The following RAD50 variants were observed in gnomAD, a reference collection of about 807,000 sequenced individuals.
RAD50 encodes the protein DNA repair protein RAD50.
RAD50 carries 132 observed loss-of-function variants against 168.8 expected under a neutral mutation model. That is an observed-to-expected ratio of 0.78 (90% confidence interval 0.68 to 0.90). The LOEUF is 0.90. Among genes scored for constraint, RAD50 ranks in the 40% least tolerant of loss-of-function variants. The pLI, the probability that RAD50 is intolerant of heterozygous loss-of-function variation, is 0.00. For missense variants in RAD50, 1,347 were observed against 1,534.4 expected (o/e 0.88, Z 2.04); for synonymous variants, 525 against 497.4 (o/e 1.06, Z -0.74).
chr5:132,603,378 G>A lies in RAD50; in HGVS notation c.2286G>A (p.Gln762=), dbSNP rs1554099090. ...NKLQNVNRDI[Q]RLKNDIEEQE... is the part of the protein sequence containing the mutation. The stretch of plus-strand genomic sequence containing the variant: ...TGCAGAATGTCAATAGAGACATACA[G>A]CGCCTAAAGAACGACATAGAAGAAC... Residue 762 remains glutamine, a synonymous_variant, in exon 14 of 25, where the codon CAG becomes CAA. Coordinates refer to ENST00000378823, the MANE Select transcript of RAD50 (RefSeq NM_005732.4). 3 of 1,613,800 alleles carry A rather than the reference G, an allele frequency of 1.9e-6. No individual in the cohort carries two copies. The highest frequency in any genetic ancestry group is 2.5e-6 in the Non-Finnish European group (3 of 1,179,798).
intron 2 of RAD50, among the ~76,000 whole-genome samples, chr5:132,573,866 CCTT>C (rs972973673): frequency 6.6e-6 from 1 of 152,190 alleles, no homozygotes; most frequent in African/African-American, 2.4e-5. Context: ...AGAATGATCT[CCTT>C]TGACTCCATG....
At chr5:132,573,274 G>A (rs1750338433) in intron 2 of RAD50, among the ~76,000 whole-genome samples, 1 of 152,162 alleles carries the variant, frequency 6.6e-6, no homozygotes, top group Admixed American at 6.5e-5. Flanking sequence ...AAAAGAAAGA[G>A]GTTTAATGGA....
At chr5:132,568,735 C>G (rs1750252586) in intron 2 of RAD50, among the ~76,000 whole-genome samples, 1 of 152,158 alleles carries the variant, frequency 6.6e-6, no homozygotes, top group Non-Finnish European at 1.5e-5. Flanking sequence ...CAAAAATATT[C>G]TTTGAAAATT....
chr5:132,565,184 C>T (rs1220386008), intron 2 of RAD50, among the ~76,000 whole-genome samples: 1 of 152,184 alleles, frequency 6.6e-6, no homozygotes, highest in African/African-American at 2.4e-5. Flanking sequence ...CCTTTGCCTT[C>T]TGCCATGATT....
chr5:132,564,009 T>C (rs903660239), intron 2 of RAD50, among the ~76,000 whole-genome samples: 2 of 152,226 alleles, frequency 1.3e-5, no homozygotes, highest in East Asian at 1.9e-4. Context: ...TCATGCTTCC[T>C]GTACAGCCTG....
At chr5:132,627,085 T>C (rs1310034091) in intron 21 of RAD50, among the ~76,000 whole-genome samples, 2 of 152,194 alleles carry the variant, frequency 1.3e-5, no homozygotes, top group Non-Finnish European at 2.9e-5. Flanking sequence ...TTCGCCATGA[T>C]GACCAGGCTA....
At chr5:132,559,564 A>G (rs1279647165) in intron 2 of RAD50, among the ~76,000 whole-genome samples, 197 bp downstream of exon 2, 1 of 152,158 alleles carries the variant, frequency 6.6e-6, no homozygotes, top group African/African-American at 2.4e-5. Context: ...AGCTGATGTC[A>G]TACTCTTAAT....
At position 132,557,152 on chromosome 5, in the gene RAD50, C is replaced by G. The variant is rs1038547518; in HGVS notation, c.-173C>G. ...GGAAAGGCTCCATCCCCCGCCCCCTCTCTCCCGCTGTTGGCTGGCAGGATC... is the reference window on the plus strand; with the variant it reads ...GGAAAGGCTCCATCCCCCGCCCCCTGTCTCCCGCTGTTGGCTGGCAGGATC... On this transcript the variant is annotated 5_prime_UTR_variant, in exon 1 of 25. Coordinates refer to ENST00000378823, the MANE Select transcript of RAD50 (RefSeq NM_005732.4). 5.6e-6 allele frequency: 5 copies of G among 892,028 alleles called. No individual in the cohort carries two copies. Among genetic ancestry groups the G allele is most frequent in the Non-Finnish European group, 8.9e-6 (5 of 564,522 alleles). The allele number at this position is 892,028 out of a possible 1,614,324, so 55.3% of individuals were successfully genotyped here. A position where few individuals can be genotyped will look rare whatever the true frequency, so the allele number is the denominator to read the frequency against.
rs1751809486 is a variant in RAD50, at chr5:132,644,526, A to G, written c.*2162A>G. 1 of 181,308 alleles carries G rather than the reference A, an allele frequency of 5.5e-6. No individual in the cohort carries two copies. Among genetic ancestry groups the G allele is most frequent in the African/African-American group, 2.4e-5 (1 of 42,418 alleles). 11.2% of individuals were successfully genotyped at this position (181,308 alleles called of 1,614,324 possible). On this transcript the variant is annotated 3_prime_UTR_variant, in exon 25 of 25. Transcript: ENST00000378823. ...ATGGTACATATTTTGTAGGGTTGTT[A>G]TGAAGATTGAATGACATTATTTACA...
chr5:132,561,547 C>T (rs1040985371), intron 2 of RAD50, among the ~76,000 whole-genome samples: 3 of 152,088 alleles, frequency 2.0e-5, no homozygotes, highest in African/African-American at 4.8e-5. Context: ...TTGCATTAAC[C>T]CTCTTCCCTA....
In RAD50 at chr5:132,557,142, C is replaced by T. The variant is rs915435351; in HGVS notation, c.-183C>T. ...TGGTGTGGGAGGAAAGGCTCCATCC[C>T]CCGCCCCCTCTCTCCCGCTGTTGGC... On this transcript the variant is annotated 5_prime_UTR_variant, in exon 1 of 25. Transcript: ENST00000378823. The T allele has an allele frequency of 5.1e-5, 43 of 841,776 alleles. No individual in the cohort carries two copies. In the South Asian group the frequency reaches 5.9e-4, roughly 12 times the overall value. 52.1% of individuals were successfully genotyped at this position (841,776 alleles called of 1,614,324 possible).
At chr5:132,569,055 A>G (rs953656648) in intron 2 of RAD50, among the ~76,000 whole-genome samples, 6 of 152,206 alleles carry the variant, frequency 3.9e-5, no homozygotes, top group Non-Finnish European at 5.9e-5. Context: ...TTCACAATCA[A>G]AAGTTAACAG....
chr5:132,633,580 G>GTT (rs201196022), intron 21 of RAD50, among the ~76,000 whole-genome samples: 32 of 147,792 alleles, frequency 2.2e-4, no homozygotes, highest in African/African-American at 7.3e-4. Flanking sequence ...TTTGTTTTTT[G>GTT]TTTTTTGTTT....
At chr5:132,636,523 C>A (rs79049594) in intron 21 of RAD50, among the ~76,000 whole-genome samples, 1 of 152,112 alleles carries the variant, frequency 6.6e-6, no homozygotes, top group South Asian at 2.1e-4. Flanking sequence ...CTCGCTGAAC[C>A]AAAGCTTCCA....
In RAD50 at chr5:132,642,322, T is replaced by A. The variant is rs767384027; in HGVS notation, c.3897T>A (p.Ile1299=). ...AGAACATCGATCAGTGCTCAGAGATTGTGAAATGCAGTGTTAGCTCCCTGG... is the reference window on the plus strand; with the variant it reads ...AGAACATCGATCAGTGCTCAGAGATAGTGAAATGCAGTGTTAGCTCCCTGG... ...IKKNIDQCSE[I]VKCSVSSLGF... The change falls in exon 25 of 25, where the codon ATT becomes ATA. Residue 1299 remains isoleucine, a synonymous_variant. Transcript: ENST00000378823. 103 of 1,613,952 alleles carry A rather than the reference T, an allele frequency of 6.4e-5. No homozygotes were observed. The highest frequency in any genetic ancestry group is 8.6e-5 in the Non-Finnish European group (102 of 1,179,990).
rs1554099789 is a variant in RAD50, at chr5:132,616,071, A to G, written c.3105A>G (p.Glu1035=). 2.5e-6 allele frequency: 4 copies of G among 1,612,586 alleles called. No homozygotes were observed. The South Asian group carries it at 4.4e-5, about 18-fold the overall frequency. The change falls in exon 20 of 25, where the codon GAA becomes GAG. Residue 1035 remains glutamate, a synonymous_variant. Coordinates refer to ENST00000378823, the MANE Select transcript of RAD50 (RefSeq NM_005732.4). The stretch of plus-strand genomic sequence containing the variant: ...GAAATGAGGAACTAAAAGAAGTTGA[A>G]GAAGAAAGAAAACAACATTTGAAGG... The part of the protein sequence containing the change: ...RKRNEELKEV[E]EERKQHLKEM...
intron 13 of RAD50, among the ~76,000 whole-genome samples, chr5:132,598,584 G>A (rs1387471800): frequency 6.6e-6 from 1 of 152,140 alleles, no homozygotes; most frequent in African/African-American, 2.4e-5. Context: ...GTTGCAGTCA[G>A]ATGTTGGCTG....
At position 132,642,654 on chromosome 5, in the gene RAD50, A is replaced by AGT; in HGVS notation, c.*292_*293dup. 2.1e-6 allele frequency: 1 copy of AGT among 482,174 alleles called. No homozygotes were observed. Among genetic ancestry groups the AGT allele is most frequent in the East Asian group, 3.6e-5 (1 of 27,778 alleles). The allele number at this position is 482,174 out of a possible 1,614,324, so 29.9% of individuals were successfully genotyped here. A position where few individuals can be genotyped will look rare whatever the true frequency, so the allele number is the denominator to read the frequency against. On this transcript the variant is annotated 3_prime_UTR_variant, in exon 25 of 25. Transcript: ENST00000378823. ...GACTCGACTCTGTGCCTCCCTCCCC[A>AGT]GTGCAAATGCATGCTTCTTCTCAAA...
rs2149867072 is a variant in RAD50 at position 132,642,331 on chromosome 5, C to T, written c.3906C>T (p.Cys1302=). Residue 1302 remains cysteine (C), a synonymous_variant, in exon 25 of 25, where the codon TGC becomes TGT. Coordinates refer to ENST00000378823, the MANE Select transcript of RAD50 (RefSeq NM_005732.4). ...NIDQCSEIVK[C]SVSSLGFNVH is the part of the protein sequence containing the mutation. ...ATCAGTGCTCAGAGATTGTGAAATG[C>T]AGTGTTAGCTCCCTGGGATTCAATG... The T allele has an allele frequency of 6.2e-7, 1 of 1,613,890 alleles. No individual in the cohort carries two copies. The highest frequency in any genetic ancestry group is 8.5e-7 in the Non-Finnish European group (1 of 1,179,856).
Sources: gnomAD v4.1 joint callset for allele counts (sites outside exome capture counted in the v4.1 genomes callset) on GRCh38, gnomAD v4.1.1 for gene constraint, MANE v1.5 for transcripts, NCBI Gene and HGNC (gene_info 2026-07-23, HGNC 2026-07-21) for gene names.